SPEM2: variants seen among roughly 807,000 people sequenced by gnomAD.
SPEM2 encodes the protein uncharacterized protein SPEM2.
In SPEM2, 15 loss-of-function variants were observed where a neutral mutation model predicts 9.3. The ratio of observed to expected loss-of-function variants is 1.62; its 90% confidence interval spans 1.08 to 2.50. SPEM2 has a LOEUF of 2.50. Among genes scored for constraint, SPEM2 ranks in the 30% most tolerant of loss-of-function variants. The probability of loss-of-function intolerance (pLI) is 0.00; values close to 1 mark genes in which losing one functional copy is unlikely to be tolerated. For missense variants in SPEM2, 678 were observed against 690.0 expected, an observed-to-expected ratio of 0.98 and a Z score of 0.19; for synonymous variants, 268 against 272.4, an observed-to-expected ratio of 0.98 and a Z score of 0.16.
Position 7,427,142 on chromosome 17 carries a change from G to A in SPEM2, c.1151G>A (p.Arg384Gln), listed in dbSNP as rs572068639. 133 of 1,613,350 alleles carry A rather than the reference G, an allele frequency of 8.2e-5. 1 individual carries two copies. Among genetic ancestry groups the A allele is most frequent in the African/African-American group, 4.3e-4 (32 of 75,028 alleles). ...SSQDPREVRR[R>Q]AADWAEALPA... ...CAGGACCCCCGTGAGGTGCGGCGTC[G>A]GGCAGCTGACTGGGCTGAGGCTCTG... Residue 384 changes from arginine to glutamine, a missense_variant, in exon 3 of 3, where the codon CGG becomes CAG. Coordinates refer to ENST00000333870, the MANE Select transcript of SPEM2 (RefSeq NM_175734.5). The surrounding 1 kb of genome is among the most constrained non-coding windows in gnomAD (Gnocchi z 5.4).
Position 7,427,427 on chromosome 17 carries a change from C to T in SPEM2, c.1436C>T (p.Ser479Leu), listed in dbSNP as rs200505211. The T allele has an allele frequency of 6.2e-7, 1 of 1,610,536 alleles. No individual in the cohort carries two copies. The highest frequency in any genetic ancestry group is 1.3e-5 in the African/African-American group (1 of 75,006). The stretch of plus-strand genomic sequence containing the variant: ...CAGAAGAGCAGAGCCAGGTCCAGCT[C>T]ACTGCCACCGGCTTCCACCTCCACC... ...QVQKSRARSS[S>L]LPPASTSTLR... The change falls in exon 3 of 3, where the codon TCA (serine) becomes TTA (leucine). Residue 479 changes from serine (S) to leucine (L), a missense_variant. Coordinates refer to ENST00000333870, the MANE Select transcript of SPEM2 (RefSeq NM_175734.5). This position sits in a 1 kb window ranked among gnomAD's most constrained non-coding sequence, Gnocchi z 5.4.
In SPEM2 at chr17:7,427,274, A is replaced by C; in HGVS notation, c.1283A>C (p.Gln428Pro). The change falls in exon 3 of 3, where the codon CAG becomes CCG. Residue 428 changes from glutamine to proline, a missense_variant. Coordinates refer to ENST00000333870, the MANE Select transcript of SPEM2 (RefSeq NM_175734.5). The surrounding 1 kb of genome is among the most constrained non-coding windows in gnomAD (Gnocchi z 5.4). ...PSSVLVPHSSQPWPKVQAADP... is the reference protein window; with the variant it reads ...PSSVLVPHSSPPWPKVQAADP... ...TCAGTGCTGGTCCCCCATTCCTCCC[A>C]GCCCTGGCCCAAAGTCCAGGCTGCG... is the stretch of plus-strand genomic sequence containing the variant. 6.2e-7 allele frequency: 1 copy of C among 1,614,060 alleles called. No individual in the cohort carries two copies. Among genetic ancestry groups the C allele is most frequent in the Non-Finnish European group, 8.5e-7 (1 of 1,179,978 alleles).
In SPEM2 at chr17:7,427,471, A is replaced by T; in HGVS notation, c.1480A>T (p.Arg494Trp). 6.3e-7 allele frequency: 1 copy of T among 1,588,440 alleles called. No homozygotes were observed. Among genetic ancestry groups the T allele is most frequent in the Non-Finnish European group, 8.6e-7 (1 of 1,165,134 alleles). ...CTCCACCTTGAGGCCCTCTCTGCAC[A>T]GGAGCCAGACCGAGAAACTCAACTG... ...STSTLRPSLHRSQTEKLN is the reference protein window; with the variant it reads ...STSTLRPSLHWSQTEKLN Residue 494 changes from arginine to tryptophan, a missense_variant, in exon 3 of 3, where the codon AGG becomes TGG. By Grantham distance (101) the Arg-to-Trp change is moderately radical (BLOSUM62 -3). Transcript: ENST00000333870. This position sits in a 1 kb window ranked among gnomAD's most constrained non-coding sequence, Gnocchi z 5.4.
In SPEM2 at chr17:7,427,425, C is replaced by A; in HGVS notation, c.1434C>A (p.Ser478Arg). 2 of 1,610,828 alleles carry A rather than the reference C, an allele frequency of 1.2e-6. No homozygotes were observed. The highest frequency in any genetic ancestry group is 1.7e-5 in the Admixed American group (1 of 59,862). The change falls in exon 3 of 3, where the codon AGC becomes AGA. Residue 478 changes from serine to arginine, a missense_variant. Physicochemically the swap from Ser to Arg is moderately radical, Grantham distance 110. Coordinates refer to ENST00000333870, the MANE Select transcript of SPEM2 (RefSeq NM_175734.5). This position sits in a 1 kb window ranked among gnomAD's most constrained non-coding sequence, Gnocchi z 5.4. ...RQVQKSRARS[S>R]SLPPASTSTL... is the part of the protein sequence containing the mutation. ...TGCAGAAGAGCAGAGCCAGGTCCAGCTCACTGCCACCGGCTTCCACCTCCA... is the reference window on the plus strand; with the variant it reads ...TGCAGAAGAGCAGAGCCAGGTCCAGATCACTGCCACCGGCTTCCACCTCCA...
At position 7,427,243 on chromosome 17, in the gene SPEM2, C is replaced by T. The variant is rs752388746; in HGVS notation, c.1252C>T (p.Pro418Ser). 1 of 1,614,188 alleles carries T rather than the reference C, an allele frequency of 6.2e-7. No homozygotes were observed. Among genetic ancestry groups the T allele is most frequent in the South Asian group, 1.1e-5 (1 of 91,086 alleles). Residue 418 changes from proline to serine, a missense_variant, in exon 3 of 3, where the codon CCA becomes TCA. Transcript: ENST00000333870. This position sits in a 1 kb window ranked among gnomAD's most constrained non-coding sequence, Gnocchi z 5.4. ...DEASHQRTPAPSSVLVPHSSQ... is the reference protein window; with the variant it reads ...DEASHQRTPASSSVLVPHSSQ... ...GGCCTCCCATCAACGGACCCCAGCT[C>T]CAAGCTCAGTGCTGGTCCCCCATTC...
chr17:7,426,735 G>A lies in SPEM2; in HGVS notation c.744G>A (p.Glu248=), dbSNP rs377432669. The A allele has an allele frequency of 2.1e-4, 341 of 1,611,474 alleles. No individual in the cohort carries two copies. Among genetic ancestry groups the A allele is most frequent in the Non-Finnish European group, 2.8e-4 (326 of 1,178,672 alleles). The change falls in exon 3 of 3, where the codon GAG becomes GAA. Residue 248 remains glutamate (E), a synonymous_variant. Transcript: ENST00000333870. This position sits in a 1 kb window ranked among gnomAD's most constrained non-coding sequence, Gnocchi z 5.3. Reference sequence around the variant, plus strand: ...TGCGCTGCATGCCCAAGCGTGTAGAGGCCAGGTCTGAGCTGAGGCTGCAGT... The same window carrying A: ...TGCGCTGCATGCCCAAGCGTGTAGAAGCCAGGTCTGAGCTGAGGCTGCAGT... ...PELRCMPKRV[E]ARSELRLQSY... is the part of the protein sequence containing the mutation.
At position 7,425,755 on chromosome 17, in the gene SPEM2, G is replaced by A. The variant is rs1337669592; in HGVS notation, c.67G>A (p.Ala23Thr). The A allele has an allele frequency of 1.2e-6, 2 of 1,614,114 alleles. No individual in the cohort carries two copies. The highest frequency in any genetic ancestry group is 2.2e-5 in the East Asian group (1 of 44,902). Reference sequence around the variant, plus strand: ...TCAATACCAAGAAAGCCCCCACGATGCCGAGGACATCTTACTCCTGCTGCT... The same window carrying A: ...TCAATACCAAGAAAGCCCCCACGATACCGAGGACATCTTACTCCTGCTGCT... Reference protein sequence around the residue: ...CNQYQESPHDAEDILLLLLGL... With the variant: ...CNQYQESPHDTEDILLLLLGL... Residue 23 changes from alanine (A) to threonine (T), a missense_variant, in exon 1 of 3, where the codon GCC becomes ACC. Physicochemically the swap from Ala to Thr is moderately conservative, Grantham distance 58 (BLOSUM62 0). Coordinates refer to ENST00000333870, the MANE Select transcript of SPEM2 (RefSeq NM_175734.5).
rs1434109263 is a variant in SPEM2 at position 7,425,983 on chromosome 17, C to A, written c.139-10C>A. 9.9e-6 allele frequency: 16 copies of A among 1,614,148 alleles called. No homozygotes were observed. Among genetic ancestry groups the A allele is most frequent in the Non-Finnish European group, 1.3e-5 (15 of 1,180,000 alleles). On this transcript the variant is annotated splice_polypyrimidine_tract_variant and intron_variant, in intron 1 of 2. Transcript: ENST00000333870. ...GGGCCTGGCCTTCACTCTCTTCCAC[C>A]CTGCCCCAGATGTGGCATGGACTCC...
Position 7,426,573 on chromosome 17 carries a change from G to A in SPEM2, c.582G>A (p.Pro194=), listed in dbSNP as rs774648377. Residue 194 remains proline, a synonymous_variant, in exon 3 of 3, where the codon CCG becomes CCA. Coordinates refer to ENST00000333870, the MANE Select transcript of SPEM2 (RefSeq NM_175734.5). The surrounding 1 kb of genome is among the most constrained non-coding windows in gnomAD (Gnocchi z 5.3). ...YLEEEDNLPF[P]YPKYPRRGWG... ...AGGAGGAGGACAACCTGCCCTTCCC[G>A]TATCCCAAGTACCCACGTCGCGGCT... is the stretch of plus-strand genomic sequence containing the variant. The A allele has an allele frequency of 7.4e-6, 12 of 1,614,054 alleles. No individual in the cohort carries two copies. Among genetic ancestry groups the A allele is most frequent in the South Asian group, 3.3e-5 (3 of 91,094 alleles).
In SPEM2 at chr17:7,427,171, G is replaced by T; in HGVS notation, c.1180G>T (p.Ala394Ser). ...RAADWAEALPAWRPLTTSASL... is the reference protein window; with the variant it reads ...RAADWAEALPSWRPLTTSASL... ...AGCTGACTGGGCTGAGGCTCTGCCCGCCTGGCGTCCTCTGACTACCTCTGC... is the reference window on the plus strand; with the variant it reads ...AGCTGACTGGGCTGAGGCTCTGCCCTCCTGGCGTCCTCTGACTACCTCTGC... Residue 394 changes from alanine to serine, a missense_variant, in exon 3 of 3, where the codon GCC becomes TCC. By Grantham distance (99) the Ala-to-Ser change is moderately conservative (BLOSUM62 1). Coordinates refer to ENST00000333870, the MANE Select transcript of SPEM2 (RefSeq NM_175734.5). This position sits in a 1 kb window ranked among gnomAD's most constrained non-coding sequence, Gnocchi z 5.4. The T allele has an allele frequency of 6.2e-7, 1 of 1,613,896 alleles. No individual in the cohort carries two copies. Among genetic ancestry groups the T allele is most frequent in the Non-Finnish European group, 8.5e-7 (1 of 1,179,932 alleles).
At position 7,426,740 on chromosome 17, in the gene SPEM2, G is replaced by A. The variant is rs921302310; in HGVS notation, c.749G>A (p.Arg250Lys). Residue 250 changes from arginine to lysine, a missense_variant, in exon 3 of 3, where the codon AGG becomes AAG. Transcript: ENST00000333870. The surrounding 1 kb of genome is among the most constrained non-coding windows in gnomAD (Gnocchi z 5.3). ...TGCATGCCCAAGCGTGTAGAGGCCAGGTCTGAGCTGAGGCTGCAGTCCTAT... is the reference window on the plus strand; with the variant it reads ...TGCATGCCCAAGCGTGTAGAGGCCAAGTCTGAGCTGAGGCTGCAGTCCTAT... ...LRCMPKRVEA[R>K]SELRLQSYGR... 3 of 1,610,368 alleles carry A rather than the reference G, an allele frequency of 1.9e-6. No individual in the cohort carries two copies. The highest frequency in any genetic ancestry group is 1.3e-5 in the African/African-American group (1 of 74,886).
At position 7,426,360 on chromosome 17, in the gene SPEM2, T is replaced by G; in HGVS notation, c.369T>G (p.Cys123Trp). 1 of 1,613,960 alleles carries G rather than the reference T, an allele frequency of 6.2e-7. No individual in the cohort carries two copies. The highest frequency in any genetic ancestry group is 8.5e-7 in the Non-Finnish European group (1 of 1,180,038). The change falls in exon 3 of 3, where the codon TGT becomes TGG. Residue 123 changes from cysteine (C) to tryptophan (W), a missense_variant. Transcript: ENST00000333870. This position sits in a 1 kb window ranked among gnomAD's most constrained non-coding sequence, Gnocchi z 5.3. ...ATCACAGTAGCAGTCTTCTTCGCTG[T>G]GTTCGTCGCCGCCGCCGCCGCCACC... ...SNHHSSSLLR[C>W]VRRRRRRHRR...
Position 7,426,449 on chromosome 17 carries a change from A to G in SPEM2, c.458A>G (p.His153Arg). The G allele has an allele frequency of 1.2e-6, 2 of 1,613,806 alleles. No individual in the cohort carries two copies. The highest frequency in any genetic ancestry group is 1.7e-4 in the Middle Eastern group (1 of 6,060). Reference sequence around the variant, plus strand: ...CCGCAGAACTACAGACAAATCCCCCATAGCCACTCAGTCTTCCGTAACCCA... The same window carrying G: ...CCGCAGAACTACAGACAAATCCCCCGTAGCCACTCAGTCTTCCGTAACCCA... Reference protein sequence around the residue: ...QRPQNYRQIPHSHSVFRNPHR... With the variant: ...QRPQNYRQIPRSHSVFRNPHR... Residue 153 changes from histidine (H) to arginine (R), a missense_variant, in exon 3 of 3, where the codon CAT becomes CGT. Transcript: ENST00000333870. This position sits in a 1 kb window ranked among gnomAD's most constrained non-coding sequence, Gnocchi z 5.3.
chr17:7,425,847 A>C, intron 1 of SPEM2, 21 bp downstream of exon 1: 1 of 1,613,248 alleles, frequency 6.2e-7, no homozygotes, highest in Non-Finnish European at 8.5e-7. Flanking sequence ...ATTGTGGACT[A>C]CCTCTGGGGG....
chr17:7,426,471 C>A lies in SPEM2; in HGVS notation c.480C>A (p.Asn160Lys), dbSNP rs765489622. 6.2e-7 allele frequency: 1 copy of A among 1,613,870 alleles called. No homozygotes were observed. Among genetic ancestry groups the A allele is most frequent in the Non-Finnish European group, 8.5e-7 (1 of 1,180,060 alleles). ...QIPHSHSVFRNPHRSQKMSQL... is the reference protein window; with the variant it reads ...QIPHSHSVFRKPHRSQKMSQL... Reference sequence around the variant, plus strand: ...CCCATAGCCACTCAGTCTTCCGTAACCCACATCGCAGCCAAAAGATGTCAC... The same window carrying A: ...CCCATAGCCACTCAGTCTTCCGTAAACCACATCGCAGCCAAAAGATGTCAC... The change falls in exon 3 of 3, where the codon AAC becomes AAA. Residue 160 changes from asparagine to lysine, a missense_variant. By Grantham distance (94) the Asn-to-Lys change is moderately conservative. Transcript: ENST00000333870. This position sits in a 1 kb window ranked among gnomAD's most constrained non-coding sequence, Gnocchi z 5.3.
At position 7,426,874 on chromosome 17, in the gene SPEM2, G is replaced by C. The variant is rs374070749; in HGVS notation, c.883G>C (p.Val295Leu). Residue 295 changes from valine (V) to leucine (L), a missense_variant, in exon 3 of 3, where the codon GTG (valine) becomes CTG (leucine). Coordinates refer to ENST00000333870, the MANE Select transcript of SPEM2 (RefSeq NM_175734.5). This position sits in a 1 kb window ranked among gnomAD's most constrained non-coding sequence, Gnocchi z 5.3. ...RLPPNPSWVP[V>L]GHSPYPSVGW... is the part of the protein sequence containing the mutation. ...GCCCCCTAACCCCTCTTGGGTCCCCGTGGGGCACAGCCCTTACCCCTCAGT... is the reference window on the plus strand; with the variant it reads ...GCCCCCTAACCCCTCTTGGGTCCCCCTGGGGCACAGCCCTTACCCCTCAGT... 3 of 1,612,792 alleles carry C rather than the reference G, an allele frequency of 1.9e-6. No homozygotes were observed. The African/African-American group carries it at 4.0e-5, about 22-fold the overall frequency.
chr17:7,426,978 C>T lies in SPEM2; in HGVS notation c.987C>T (p.Ser329=). ...TTGAGCGCCCCCCTGCCTCGGTGTC[C>T]CGGAACGCCCGGCCTGAGGCCCAGG... ...EGFERPPASV[S]RNARPEAQGC... Residue 329 remains serine, a synonymous_variant, in exon 3 of 3, where the codon TCC becomes TCT. Transcript: ENST00000333870. This position sits in a 1 kb window ranked among gnomAD's most constrained non-coding sequence, Gnocchi z 5.3. 1 of 1,611,544 alleles carries T rather than the reference C, an allele frequency of 6.2e-7. No homozygotes were observed. The highest frequency in any genetic ancestry group is 8.5e-7 in the Non-Finnish European group (1 of 1,179,752).
Position 7,427,294 on chromosome 17 carries a change from G to A in SPEM2, c.1303G>A (p.Ala435Thr). ...HSSQPWPKVQ[A>T]ADPAPPPTMF... ...CTCCCAGCCCTGGCCCAAAGTCCAGGCTGCGGACCCTGCCCCTCCCCCGAC... is the reference window on the plus strand; with the variant it reads ...CTCCCAGCCCTGGCCCAAAGTCCAGACTGCGGACCCTGCCCCTCCCCCGAC... The change falls in exon 3 of 3, where the codon GCT becomes ACT. Residue 435 changes from alanine to threonine, a missense_variant. Coordinates refer to ENST00000333870, the MANE Select transcript of SPEM2 (RefSeq NM_175734.5). The surrounding 1 kb of genome is among the most constrained non-coding windows in gnomAD (Gnocchi z 5.4). 2 of 1,614,126 alleles carry A rather than the reference G, an allele frequency of 1.2e-6. No individual in the cohort carries two copies. The highest frequency in any genetic ancestry group is 2.2e-5 in the South Asian group (2 of 91,078).
Position 7,427,466 on chromosome 17 carries a change from T to G in SPEM2, c.1475T>G (p.Leu492Arg), listed in dbSNP as rs777970832. Residue 492 changes from leucine (L) to arginine (R), a missense_variant, in exon 3 of 3, where the codon CTG (leucine) becomes CGG (arginine). By Grantham distance (102) the Leu-to-Arg change is moderately radical. Transcript: ENST00000333870. This position sits in a 1 kb window ranked among gnomAD's most constrained non-coding sequence, Gnocchi z 5.4. ...TCCACCTCCACCTTGAGGCCCTCTC[T>G]GCACAGGAGCCAGACCGAGAAACTC... ...PASTSTLRPS[L>R]HRSQTEKLN The G allele has an allele frequency of 4.9e-5, 78 of 1,591,818 alleles. No homozygotes were observed. Among genetic ancestry groups the G allele is most frequent in the Non-Finnish European group, 6.7e-5 (78 of 1,166,896 alleles).
Sources: allele counts gnomAD v4.1 joint callset, GRCh38; gene constraint gnomAD v4.1.1; non-coding constraint Gnocchi (gnomAD v3.1); transcripts MANE v1.5; gene names NCBI Gene and HGNC (gene_info 2026-07-23, HGNC 2026-07-21).